MALAT1: variants seen among roughly 807,000 people sequenced by gnomAD.
MALAT1 encodes hepcarcin.
exon 3 of MALAT1, chr11:65,503,285 C>A (rs754811065): frequency 3.9e-6 from 2 of 517,946 alleles, no homozygotes; most frequent in Non-Finnish European, 7.7e-6. Context: ...ATGGCACTTT[C>A]TCCTGACCCC....
At chr11:65,501,227 T>A (rs748647359) in exon 3 of MALAT1, 1 of 497,776 alleles carries the variant, frequency 2.0e-6, no homozygotes, top group African/African-American at 2.1e-5. Flanking sequence ...TTTCAGTATT[T>A]TTTTTTGTGG....
chr11:65,499,505 A>G, exon 3 of MALAT1: 1 of 464,840 alleles, frequency 2.2e-6, no homozygotes, highest in Non-Finnish European at 4.3e-6. Context: ...AAAGAGATTA[A>G]ACCGAAGGTG....
chr11:65,501,676 T>C (rs1363943852), exon 3 of MALAT1: 3 of 518,934 alleles, frequency 5.8e-6, no homozygotes, highest in African/African-American at 5.8e-5. Flanking sequence ...GGACTGGAGC[T>C]GCTTTTATCC....
chr11:65,500,400 T>A (rs1854518018), exon 3 of MALAT1: 1 of 518,824 alleles, frequency 1.9e-6, no homozygotes, highest in African/African-American at 1.9e-5. Flanking sequence ...CTGACCCAGG[T>A]GCTACACAGA....
exon 3 of MALAT1, chr11:65,501,843 G>C: frequency 1.9e-6 from 1 of 517,580 alleles, no homozygotes; most frequent in Non-Finnish European, 3.9e-6. Flanking sequence ...TTATTAAAGG[G>C]GAGGGGCAAA....
chr11:65,504,255 T>G (rs961234338), intron 3 of MALAT1: 1 of 518,600 alleles, frequency 1.9e-6, no homozygotes, highest in East Asian at 5.4e-5. Context: ...CTCAAAATTT[T>G]TTTCCTGGAA....
exon 3 of MALAT1, chr11:65,500,334 T>A: frequency 1.9e-6 from 1 of 518,614 alleles, no homozygotes; most frequent in Non-Finnish European, 3.9e-6. Flanking sequence ...TGTTTTTGCA[T>A]TGGACTTTGA....
exon 3 of MALAT1, chr11:65,501,545 AAG>A (rs1465664101): frequency 1.2e-5 from 6 of 518,848 alleles, no homozygotes; most frequent in African/African-American, 1.9e-5. Context: ...CTTAACAGGG[AAG>A]AGAGAGGGTG....
exon 3 of MALAT1, chr11:65,499,696 AAAG>A (rs1240098525): frequency 1.2e-5 from 5 of 433,956 alleles, no homozygotes; most frequent in East Asian, 7.1e-5. Context: ...AAGGCGAAGA[AAAG>A]AATAGAGAAG....
At chr11:65,502,952 C>T (rs1854587204) in exon 3 of MALAT1, 1 of 495,416 alleles carries the variant, frequency 2.0e-6, no homozygotes, top group Non-Finnish European at 4.0e-6. Context: ...AGGCAATGTC[C>T]ATCTCAAAAT....
intron 1 of MALAT1, chr11:65,498,676 C>T (rs760875849): frequency 1.9e-6 from 1 of 518,080 alleles, no homozygotes; most frequent in African/African-American, 1.9e-5. Context: ...AATCTTCCTT[C>T]AAAAGGTGGT....
At chr11:65,504,645 T>G in intron 3 of MALAT1, 1 of 518,972 alleles carries the variant, frequency 1.9e-6, no homozygotes, top group Non-Finnish European at 3.8e-6. Context: ...CTGAAGCCTT[T>G]AGTCTTTTCC....
exon 3 of MALAT1, chr11:65,499,152 A>G (rs760374010): frequency 3.9e-6 from 2 of 513,238 alleles, no homozygotes; most frequent in Non-Finnish European, 7.7e-6. Context: ...TAATACAACT[A>G]CTTAAAAAAT....
At chr11:65,502,257 T>A (rs1854566977) in exon 3 of MALAT1, 1 of 518,666 alleles carries the variant, frequency 1.9e-6, no homozygotes, top group South Asian at 1.4e-5. Flanking sequence ...TTGGATATGG[T>A]AGTGTGTGGT....
exon 1 of MALAT1, chr11:65,497,794 C>CT: frequency 2.0e-6 from 1 of 500,148 alleles, no homozygotes; most frequent in Non-Finnish European, 4.0e-6. Flanking sequence ...CTGGCCTCTC[C>CT]TGCCCTCTTA....
exon 3 of MALAT1, chr11:65,499,079 G>A (rs773811321): frequency 1.9e-5 from 10 of 518,346 alleles, no homozygotes; most frequent in East Asian, 5.4e-5. Context: ...GGCTTCTGCT[G>A]AGGGGGCAGG....
chr11:65,506,196 C>T (rs373018096), intron 3 of MALAT1: 65 of 446,776 alleles, frequency 1.5e-4, no homozygotes, highest in Non-Finnish European at 2.6e-4. Context: ...ACTAATCTGT[C>T]TTCAGGACTC....
chr11:65,501,768 C>A (rs763142469), exon 3 of MALAT1: 22 of 518,800 alleles, frequency 4.2e-5, no homozygotes, highest in Middle Eastern at 3.2e-4. Flanking sequence ...AGGAGAACTT[C>A]AGAAGAGCTT....
In MALAT1 at chr11:65,498,565, G is replaced by A. The variant is rs1331432639; in HGVS notation, n.179-117G>A. On this transcript the variant is annotated intron_variant and non_coding_transcript_variant, in intron 1 of 3. Coordinates refer to ENST00000619449, the Ensembl canonical transcript of MALAT1. ...GGAGCAAGTCGCAGGACTGCAAGCA[G>A]TTGGGGGAGAAAGTCCGCCATTTTG... The A allele has an allele frequency of 5.8e-6, 3 of 518,686 alleles. No homozygotes were observed. In the Admixed American group the frequency reaches 5.8e-5, roughly 10 times the overall value. 32.1% of individuals were successfully genotyped at this position (518,686 alleles called of 1,614,324 possible).
Sources: gnomAD v4.1 joint callset for allele counts on GRCh38, gnomAD v4.1.1 for gene constraint, MANE v1.5 for transcripts, NCBI Gene and HGNC (gene_info 2026-07-23, HGNC 2026-07-21) for gene names.